XYLB: variants seen among roughly 807,000 people sequenced by gnomAD.
The protein encoded by XYLB is xylulose kinase.
Under a neutral mutation model 78.7 loss-of-function variants are expected in XYLB, and 62 were observed. The ratio of observed to expected loss-of-function variants is 0.79; its 90% confidence interval spans 0.64 to 0.97. The LOEUF (loss-of-function observed/expected upper bound fraction) is 0.97, where lower values mean the gene tolerates loss of function less well. Ranked by LOEUF, XYLB falls within the 50% of genes least tolerant of loss-of-function variation. The pLI is 0.00. For synonymous variants in XYLB, 245 were observed against 247.4 expected, an observed-to-expected ratio of 0.99 and a Z score of 0.09; for missense variants, 687 against 676.8, an observed-to-expected ratio of 1.02 and a Z score of -0.17.
chr3:38,403,181 C>G (rs942002703), intron 18 of XYLB, among the ~76,000 whole-genome samples: 1 of 151,436 alleles, frequency 6.6e-6, no homozygotes, highest in Admixed American at 6.6e-5. Context: ...GTAATCCCAG[C>G]TACTCGGGAG....
At chr3:38,346,951 CG>C in intron 1 of XYLB, 26 bp downstream of exon 1, 1 of 1,444,678 alleles carries the variant, frequency 6.9e-7, no homozygotes, top group Non-Finnish European at 9.1e-7. Context: ...CGCAGGGCCA[CG>C]GGGCCGCCTC....
chr3:38,396,474 C>T (rs1278954711), intron 16 of XYLB, among the ~76,000 whole-genome samples: 1 of 152,146 alleles, frequency 6.6e-6, no homozygotes, highest in African/African-American at 2.4e-5. Context: ...GGTAGTGCTG[C>T]AAGCCATTAG....
chr3:38,365,272 A>G lies in XYLB; in HGVS notation c.365A>G (p.His122Arg). The change falls in exon 5 of 19, where the codon CAC becomes CGC. Residue 122 changes from histidine to arginine, a missense_variant. Physicochemically the swap from His to Arg is conservative, Grantham distance 29 (BLOSUM62 0). Transcript: ENST00000207870. The part of the protein sequence containing the change: ...LTSLSPDLRL[H>R]QQLQDCFSIS... ...AGCTTATCACCAGACCTCCGGCTAC[A>G]CCAGCAGCTGCAGGTAACTGTGGCT... is the stretch of plus-strand genomic sequence containing the variant. 1 of 1,614,220 alleles carries G rather than the reference A, an allele frequency of 6.2e-7. No individual in the cohort carries two copies. Among genetic ancestry groups the G allele is most frequent in the Non-Finnish European group, 8.5e-7 (1 of 1,180,018 alleles).
intron 2 of XYLB, among the ~76,000 whole-genome samples, chr3:38,353,699 T>A (rs1705489819): frequency 6.6e-6 from 1 of 151,896 alleles, no homozygotes; most frequent in African/African-American, 2.4e-5. Context: ...CCAGCCTGGC[T>A]AACATGGTGA....
chr3:38,371,205 C>A (rs1246264249), intron 9 of XYLB, among the ~76,000 whole-genome samples: 3 of 152,130 alleles, frequency 2.0e-5, no homozygotes, highest in African/African-American at 7.2e-5. Flanking sequence ...AACTCCTGGG[C>A]TCAAGTGATC....
At chr3:38,357,995 T>C (rs1559575248) in intron 2 of XYLB, among the ~76,000 whole-genome samples, 1 of 151,912 alleles carries the variant, frequency 6.6e-6, no homozygotes, top group Non-Finnish European at 1.5e-5. Flanking sequence ...GGTTGTCTTT[T>C]CACTTTCTTG....
chr3:38,422,161 C>T (rs1327661967), downstream of XYLB, among the ~76,000 whole-genome samples: 3 of 152,134 alleles, frequency 2.0e-5, no homozygotes, highest in Non-Finnish European at 4.4e-5. Flanking sequence ...ATGATGCCAG[C>T]GGTATGGCAG....
chr3:38,392,760 G>A (rs1309500111), intron 15 of XYLB, among the ~76,000 whole-genome samples: 1 of 152,016 alleles, frequency 6.6e-6, no homozygotes, highest in African/African-American at 2.4e-5. Context: ...AGTTTTTTGT[G>A]TTGCAGATAT....
intron 18 of XYLB, among the ~76,000 whole-genome samples, chr3:38,408,539 A>G (rs76415171): frequency 6.5e-4 from 97 of 149,898 alleles, no homozygotes; most frequent in Non-Finnish European, 9.1e-4. Context: ...AAAATCAGAG[A>G]AGAACTGAAG....
At chr3:38,350,617 A>T (rs1705305532) in intron 2 of XYLB, among the ~76,000 whole-genome samples, 1 of 151,904 alleles carries the variant, frequency 6.6e-6, no homozygotes, top group Non-Finnish European at 1.5e-5. Flanking sequence ...CTTTAGGTTT[A>T]AATTGCTCTT....
At chr3:38,447,563 C>T in the XYLB span, among the ~76,000 whole-genome samples, 2 of 151,300 alleles carry the variant, frequency 1.3e-5, no homozygotes, top group Non-Finnish European at 2.9e-5. Flanking sequence ...CAGCAATCCT[C>T]CCTCCTCGGC....
intron 2 of XYLB, among the ~76,000 whole-genome samples, chr3:38,353,404 C>G (rs1408984546): frequency 6.6e-6 from 1 of 152,116 alleles, no homozygotes; most frequent in Non-Finnish European, 1.5e-5. Flanking sequence ...CTCCCGGGCT[C>G]AAGCAATCCT....
chr3:38,403,390 A>G (rs1021351145), intron 18 of XYLB, among the ~76,000 whole-genome samples: 3 of 152,264 alleles, frequency 2.0e-5, no homozygotes, highest in Admixed American at 6.5e-5. Flanking sequence ...AGTTCTGGGC[A>G]TGCTTCAAGT....
At chr3:38,434,292 A>T in the XYLB span, among the ~76,000 whole-genome samples, 1 of 152,244 alleles carries the variant, frequency 6.6e-6, no homozygotes, top group African/African-American at 2.4e-5. Context: ...TCTAAAGTCC[A>T]AGATAATGAT....
rs2234611 is a variant in XYLB, at chr3:38,365,707, A to C, written c.478A>C (p.Ser160Arg). ...EAAVGGAQALSCLTGSRAYER... is the reference protein window; with the variant it reads ...EAAVGGAQALRCLTGSRAYER... The stretch of plus-strand genomic sequence containing the variant: ...TGCTGTGGGTGGTGCTCAGGCTCTC[A>C]GCTGCCTCACGGGGTCCCGTGCCTA... Residue 160 changes from serine to arginine, a missense_variant, in exon 6 of 19, where the codon AGC becomes CGC. Coordinates refer to ENST00000207870, the MANE Select transcript of XYLB (RefSeq NM_005108.4). The C allele has an allele frequency of 5.0e-4, 806 of 1,613,634 alleles. 5 individuals are homozygous for C. The African/African-American group carries it at 9.9e-3, about 20-fold the overall frequency.
chr3:38,407,772 CAA>C, intron 18 of XYLB, among the ~76,000 whole-genome samples: 1 of 151,500 alleles, frequency 6.6e-6, no homozygotes, highest in Middle Eastern at 3.4e-3. Context: ...CAACAAAGAT[CAA>C]AAGAGACAAA....
chr3:38,418,654 A>T (rs1020400919), downstream of XYLB, among the ~76,000 whole-genome samples: 1 of 152,250 alleles, frequency 6.6e-6, no homozygotes, highest in African/African-American at 2.4e-5. Context: ...GGTAAATTCC[A>T]TAAACAAAGG....
chr3:38,395,504 GT>G lies in XYLB; in HGVS notation c.1292del (p.Met431SerfsTer33). 6.2e-7 allele frequency: 1 copy of G among 1,614,214 alleles called. No individual in the cohort carries two copies. Among genetic ancestry groups the G allele is most frequent in the Non-Finnish European group, 8.5e-7 (1 of 1,180,024 alleles). ...TTTTACTTTTTTCTTTTCCCTTGCA[GT>G]GTCCAAGACAAAGATTTTGGCCACA... ...IHAEGLGYRVMSKTKILATGG... is the reference protein window; with the variant it reads ...IHAEGLGYRVXSKTKILATGG... On this transcript the variant is annotated frameshift_variant and splice_region_variant, in exon 16 of 19. Coordinates refer to ENST00000207870, the MANE Select transcript of XYLB (RefSeq NM_005108.4). LOFTEE classifies it high-confidence loss of function.
chr3:38,448,576 A>G, the XYLB span, among the ~76,000 whole-genome samples: 2 of 152,046 alleles, frequency 1.3e-5, no homozygotes, highest in African/African-American at 4.8e-5. Context: ...GCTTCTTCCT[A>G]TGCTTAGTAA....
Sources: gnomAD v4.1 joint callset for allele counts (sites outside exome capture counted in the v4.1 genomes callset) on GRCh38, gnomAD v4.1.1 for gene constraint, MANE v1.5 for transcripts, NCBI Gene and HGNC (gene_info 2026-07-23, HGNC 2026-07-21) for gene names.